The following CFAP299 variants were observed in gnomAD, a reference collection of about 807,000 sequenced individuals.
The protein encoded by CFAP299 is cilia- and flagella-associated protein 299.
Under a neutral mutation model 27.0 loss-of-function variants are expected in CFAP299, and 21 were observed. The ratio of observed to expected loss-of-function variants is 0.78; its 90% CI spans 0.55 to 1.12. CFAP299 has a LOEUF of 1.12. Ranked by LOEUF, CFAP299 falls within the 50% of genes most tolerant of loss-of-function variation. The pLI is 0.00. For synonymous variants in CFAP299, 104 were observed against 98.1 expected (o/e 1.06, Z -0.36); for missense variants, 310 against 276.6 (o/e 1.12, Z -0.86).
At chr4:80,601,421 T>TA (rs1260022705) in intron 3 of CFAP299, among the ~76,000 whole-genome samples, 1 of 152,178 alleles carries the variant, frequency 6.6e-6, no homozygotes, top group Non-Finnish European at 1.5e-5. Flanking sequence ...TAAATGCTGT[T>TA]AGAGTTTGAG....
At chr4:80,693,460 C>T (rs1211529242) in intron 3 of CFAP299, among the ~76,000 whole-genome samples, 1 of 149,598 alleles carries the variant, frequency 6.7e-6, no homozygotes, top group Non-Finnish European at 1.5e-5. Flanking sequence ...AAAAACCAAA[C>T]ACCGCATATT....
chr4:80,800,612 A>AATATATTAATAT (rs1355318494), intron 3 of CFAP299, among the ~76,000 whole-genome samples: 18 of 99,438 alleles, frequency 1.8e-4, no homozygotes, highest in Non-Finnish European at 3.1e-4. Flanking sequence ...ATAAATATAT[A>AATATATTAATAT]ATATATAATA....
At chr4:80,485,352 A>G (rs1410030546) in intron 2 of CFAP299, among the ~76,000 whole-genome samples, 1 of 151,596 alleles carries the variant, frequency 6.6e-6, no homozygotes, top group African/African-American at 2.4e-5. Context: ...TCTCAGGACA[A>G]CCAATCCAAT....
chr4:80,705,965 A>G (rs1441822861), intron 3 of CFAP299, among the ~76,000 whole-genome samples: 1 of 151,874 alleles, frequency 6.6e-6, no homozygotes, highest in Non-Finnish European at 1.5e-5. Flanking sequence ...ATTTAGTGAA[A>G]TCTTCAATTT....
intron 3 of CFAP299, among the ~76,000 whole-genome samples, chr4:80,811,516 G>T (rs549664624): frequency 6.6e-6 from 1 of 152,264 alleles, no homozygotes; most frequent in Non-Finnish European, 1.5e-5. Flanking sequence ...CATGGCCAAG[G>T]CCACGGGTTT....
At chr4:80,613,914 G>GAT (rs1379426177) in intron 3 of CFAP299, among the ~76,000 whole-genome samples, 4 of 152,158 alleles carry the variant, frequency 2.6e-5, no homozygotes, top group Non-Finnish European at 5.9e-5. Flanking sequence ...TTATAACTCT[G>GAT]ATAACTCTTC....
In CFAP299 at chr4:80,540,227, A is replaced by G. The variant is rs543663926; in HGVS notation, c.243-42866A>G. ...TCAGAGTAGATTCTGTTGTTTAAGA[A>G]CATTGAGGTATGCAGTGAATTTCTG... is the stretch of plus-strand genomic sequence containing the variant. On this transcript the variant is annotated intron_variant, in intron 2 of 5. Transcript: ENST00000358105. Among the ~76,000 whole-genome samples the G allele has an allele frequency of 6.6e-5, 10 of 152,322 alleles. No individual in the cohort carries two copies. In the South Asian group the frequency reaches 2.1e-3, roughly 32 times the overall value.
At chr4:80,871,449 T>C in intron 4 of CFAP299, 1 of 985,474 alleles carries the variant, frequency 1.0e-6, no homozygotes, top group Non-Finnish European at 1.2e-6. Context: ...GCTGTGCTAA[T>C]AACTTATGGT....
At chr4:80,682,220 G>A (rs919567321) in intron 3 of CFAP299, among the ~76,000 whole-genome samples, 8 of 152,114 alleles carry the variant, frequency 5.3e-5, no homozygotes, top group Non-Finnish European at 1.0e-4. Context: ...TTCATGCTCA[G>A]TACTTAAAAG....
At chr4:80,818,211 C>A (rs757661227) in intron 3 of CFAP299, among the ~76,000 whole-genome samples, 1 of 152,134 alleles carries the variant, frequency 6.6e-6, no homozygotes, top group Non-Finnish European at 1.5e-5. Context: ...CATAGTATTC[C>A]GTGGTGTATA....
intron 3 of CFAP299, chr4:80,608,212 A>T: frequency 1.7e-6 from 1 of 595,332 alleles, no homozygotes; most frequent in Non-Finnish European, 2.9e-6. Flanking sequence ...CTAAGTAATT[A>T]GGAAATAGAT....
chr4:80,678,428 CTTA>C (rs1480752688), intron 3 of CFAP299, among the ~76,000 whole-genome samples: 1 of 151,990 alleles, frequency 6.6e-6, no homozygotes, highest in Non-Finnish European at 1.5e-5. Flanking sequence ...TTATTGAATG[CTTA>C]TTATGTGTCC....
At chr4:80,845,363 G>C (rs1430106022) in intron 3 of CFAP299, among the ~76,000 whole-genome samples, 1 of 150,876 alleles carries the variant, frequency 6.6e-6, no homozygotes, top group Admixed American at 6.6e-5. Context: ...GCATAAAACT[G>C]TTCAATGACT....
chr4:80,341,016 T>C (rs1336311072), intron 1 of CFAP299, among the ~76,000 whole-genome samples: 1 of 152,120 alleles, frequency 6.6e-6, no homozygotes, highest in Non-Finnish European at 1.5e-5. Flanking sequence ...CCTCAGGTGA[T>C]CCACCCGCCT....
chr4:80,563,344 C>T (rs549763317), intron 2 of CFAP299, among the ~76,000 whole-genome samples: 1 of 152,104 alleles, frequency 6.6e-6, no homozygotes, highest in Admixed American at 6.6e-5. Flanking sequence ...TAATATCAAG[C>T]ATCTTCTCTG....
At chr4:80,696,264 A>G (rs1266815862) in intron 3 of CFAP299, among the ~76,000 whole-genome samples, 1 of 148,514 alleles carries the variant, frequency 6.7e-6, no homozygotes, top group African/African-American at 2.5e-5. Context: ...ACACCACTGC[A>G]CTCCAGCCTG....
Position 80,870,144 on chromosome 4 carries a change from C to A in CFAP299, c.476+9C>A. ...AGGCCTACAGATATAAGGTAAATTA[C>A]ATACAATTTTTGCACCCTTAGAGGC... is the stretch of plus-strand genomic sequence containing the variant. On this transcript the variant is annotated intron_variant, in intron 4 of 5. Transcript: ENST00000358105. 6.3e-7 allele frequency: 1 copy of A among 1,591,454 alleles called. No individual in the cohort carries two copies.
intron 2 of CFAP299, among the ~76,000 whole-genome samples, chr4:80,544,854 C>A (rs1734154997): frequency 6.6e-6 from 1 of 152,104 alleles, no homozygotes; most frequent in Non-Finnish European, 1.5e-5. Flanking sequence ...CAATATTTGA[C>A]CAACTGGACC....
intron 3 of CFAP299, among the ~76,000 whole-genome samples, chr4:80,833,772 A>G (rs1162676509): frequency 2.0e-5 from 3 of 152,208 alleles, no homozygotes; most frequent in Admixed American, 6.5e-5. Context: ...TATTCTATAG[A>G]AGGAAAAAGC....
Sources: allele counts gnomAD v4.1 joint callset (sites outside exome capture counted in the v4.1 genomes callset), GRCh38; gene constraint gnomAD v4.1.1; transcripts MANE v1.5; gene names NCBI Gene and HGNC (gene_info 2026-07-23, HGNC 2026-07-21).